The following HEATR1 variants were observed in gnomAD, a reference collection of about 807,000 sequenced individuals.
HEATR1 encodes HEAT repeat-containing protein 1.
A neutral mutation model predicts 248.2 loss-of-function variants in HEATR1; 77 were observed. That is an observed-to-expected ratio of 0.31 (90% CI 0.26 to 0.37). HEATR1 has a LOEUF of 0.37. Ranked by LOEUF, HEATR1 falls within the 10% of genes least tolerant of loss-of-function variation. The probability of loss-of-function intolerance (pLI) is 1.00; values close to 1 mark genes in which losing one functional copy is unlikely to be tolerated. For missense variants in HEATR1, 2,420 were observed against 2,504.9 expected, an observed-to-expected ratio of 0.97 and a Z score of 0.72; for synonymous variants, 897 against 923.1, an observed-to-expected ratio of 0.97 and a Z score of 0.51.
chr1:236,576,846 A>G lies in HEATR1; in HGVS notation c.2859T>C (p.Tyr953=), dbSNP rs1413087167. ...QALSGVASPF[Y]LIIDHLISKA... is the part of the protein sequence containing the mutation. ...TAGAAATCAAATGATCTATTATCAG[A>G]TAAAACGGGGATGCCACTCCACTGA... is the stretch of plus-strand genomic sequence containing the variant. The change falls in exon 21 of 45, where the codon TAT becomes TAC. Residue 953 remains tyrosine (Y), a synonymous_variant. Coordinates refer to ENST00000366582, the MANE Select transcript of HEATR1 (RefSeq NM_018072.6). The G allele has an allele frequency of 6.2e-6, 10 of 1,614,164 alleles. No individual in the cohort carries two copies. Among genetic ancestry groups the G allele is most frequent in the Non-Finnish European group, 8.5e-6 (10 of 1,179,988 alleles).
rs1181997868 is a variant in HEATR1 at position 236,549,253 on chromosome 1, T to G, written c.*1649A>C. 3 of 341,332 alleles carry G rather than the reference T, an allele frequency of 8.8e-6. No homozygotes were observed. The highest frequency in any genetic ancestry group is 1.6e-5 in the Non-Finnish European group (3 of 190,208). 21.1% of individuals were successfully genotyped at this position (341,332 alleles called of 1,614,324 possible). A position where few individuals can be genotyped will look rare whatever the true frequency, so the allele number is the denominator to read the frequency against. On this transcript the variant is annotated 3_prime_UTR_variant, in exon 45 of 45. Transcript: ENST00000366582. ...CACTTTACGTGATTAAAATCAAACCTGTATCAGCAAGTTAAATGGTTCCAT... is the reference window on the plus strand; with the variant it reads ...CACTTTACGTGATTAAAATCAAACCGGTATCAGCAAGTTAAATGGTTCCAT...
Position 236,576,821 on chromosome 1 carries a change from T to C in HEATR1, c.2884A>G (p.Lys962Glu), listed in dbSNP as rs1229579517. The C allele has an allele frequency of 1.2e-6, 2 of 1,614,018 alleles. No homozygotes were observed. The highest frequency in any genetic ancestry group is 1.1e-5 in the South Asian group (1 of 91,032). Residue 962 changes from lysine (K) to glutamate (E), a missense_variant, in exon 21 of 45, where the codon AAA becomes GAA. Transcript: ENST00000366582. ...GCATCTGAAGTGATCTCCTCTGCTT[T>C]AGAAATCAAATGATCTATTATCAGA... ...FYLIIDHLIS[K>E]AEEITSDAAY...
chr1:236,580,575 G>A (rs917637590), intron 20 of HEATR1, among the ~76,000 whole-genome samples: 1 of 141,516 alleles, frequency 7.1e-6, no homozygotes, highest in African/African-American at 2.6e-5. Flanking sequence ...GGAGTGCAGT[G>A]GTGCAATCAC....
intron 2 of HEATR1, 149 bp from the exon 3 acceptor site, chr1:236,603,525 G>T: frequency 3.2e-6 from 2 of 628,024 alleles, no homozygotes; most frequent in Non-Finnish European, 2.7e-6. Context: ...CTGATTTCTA[G>T]TTTTCAACTT....
chr1:236,555,625 T>C lies in HEATR1; in HGVS notation c.5680A>G (p.Asn1894Asp), dbSNP rs202009039. 612 of 1,614,218 alleles carry C rather than the reference T, an allele frequency of 3.8e-4. No homozygotes were observed. The highest frequency in any genetic ancestry group is 4.4e-4 in the Non-Finnish European group (524 of 1,180,038). ...GCTACTAGACAGTCAATGATACAATTTTCCGTTTTTCCAACTTCCTCCAGA... is the reference window on the plus strand; with the variant it reads ...GCTACTAGACAGTCAATGATACAATCTTCCGTTTTTCCAACTTCCTCCAGA... The part of the protein sequence containing the change: ...NDLEEVGKTE[N>D]CIIDCLVAMV... The change falls in exon 40 of 45, where the codon AAT becomes GAT. Residue 1894 changes from asparagine (N) to aspartate (D), a missense_variant. By Grantham distance (23) the Asn-to-Asp change is conservative. Transcript: ENST00000366582.
chr1:236,602,404 G>A (rs377174426), intron 3 of HEATR1, among the ~76,000 whole-genome samples: 13 of 152,334 alleles, frequency 8.5e-5, no homozygotes, highest in African/African-American at 2.9e-4. Context: ...GGAATGCTGT[G>A]AGAATTAAAT....
intron 17 of HEATR1, among the ~76,000 whole-genome samples, chr1:236,583,491 T>C (rs991135908): frequency 2.0e-5 from 3 of 148,866 alleles, no homozygotes; most frequent in Admixed American, 1.3e-4. Context: ...TTTCTTTTTT[T>C]TTTTTTTTTT....
At chr1:236,602,074 G>A (rs1664340540) in intron 3 of HEATR1, among the ~76,000 whole-genome samples, 1 of 151,950 alleles carries the variant, frequency 6.6e-6, no homozygotes, top group Non-Finnish European at 1.5e-5. Context: ...GGGAGGTGGA[G>A]GTTGCAGTGA....
In HEATR1 at chr1:236,555,330, A is replaced by T; in HGVS notation, c.5889T>A (p.Ala1963=). ...LFAGHLVKPF[A]DTLNQVNISK... ...AGATGTTCACCTGGTTCAAGGTGTC[A>T]GCAAAAGGCTTCACTAAGTGGCCGG... The change falls in exon 41 of 45, where the codon GCT becomes GCA. Residue 1963 remains alanine (A), a synonymous_variant. Coordinates refer to ENST00000366582, the MANE Select transcript of HEATR1 (RefSeq NM_018072.6). 1.2e-6 allele frequency: 2 copies of T among 1,614,214 alleles called. No individual in the cohort carries two copies. The highest frequency in any genetic ancestry group is 2.2e-5 in the South Asian group (2 of 91,082).
rs767341750 is a variant in HEATR1, at chr1:236,566,050, G to A, written c.4309-5C>T. The A allele has an allele frequency of 1.6e-5, 25 of 1,610,392 alleles. No homozygotes were observed. The highest frequency in any genetic ancestry group is 2.1e-5 in the Non-Finnish European group (25 of 1,178,916). ...GTCTGCTTCTAAAATAGCATCCTGT[G>A]TAGAAAAAGAAAAAGGTAACAAATC... is the stretch of plus-strand genomic sequence containing the variant. On this transcript the variant is annotated splice_region_variant and splice_polypyrimidine_tract_variant and intron_variant, in intron 30 of 44. Transcript: ENST00000366582.
chr1:236,586,013 C>G, intron 15 of HEATR1, 72 bp from the exon 16 acceptor site: 1 of 1,548,238 alleles, frequency 6.5e-7, no homozygotes. Flanking sequence ...AGAATTCAGG[C>G]AAACATTTTA....
intron 16 of HEATR1, among the ~76,000 whole-genome samples, 170 bp from the exon 17 acceptor site, chr1:236,585,386 T>C (rs1663858745): frequency 6.6e-6 from 1 of 152,208 alleles, no homozygotes; most frequent in South Asian, 2.1e-4. Flanking sequence ...AAGAATAATT[T>C]CAGAAACTGT....
chr1:236,601,925 T>A, intron 3 of HEATR1, among the ~76,000 whole-genome samples: 1 of 149,860 alleles, frequency 6.7e-6, no homozygotes, highest in African/African-American at 2.5e-5. Flanking sequence ...AGGTCAGGAG[T>A]TTGAGACCAG....
At position 236,602,400 on chromosome 1, in the gene HEATR1, C is replaced by T. The variant is rs56324550; in HGVS notation, c.359+760G>A. ...TACAAATAATCTCACCAGAGGAATG[C>T]TGTGAGAATTAAATGAGATAATGCA... is the stretch of plus-strand genomic sequence containing the variant. On this transcript the variant is annotated intron_variant, in intron 3 of 44. Coordinates refer to ENST00000366582, the MANE Select transcript of HEATR1 (RefSeq NM_018072.6). Among the ~76,000 whole-genome samples, 242 of 152,286 alleles carry T rather than the reference C, an allele frequency of 1.6e-3. 1 individual carries two copies. The highest frequency in any genetic ancestry group is 5.7e-3 in the African/African-American group (238 of 41,560).
chr1:236,592,517 A>T lies in HEATR1; in HGVS notation c.1304+6T>A. ...AGAAGAGCATAAACATACACACGTA[A>T]CTTACTTGCTTTCTAAAAGCCTAAT... On this transcript the variant is annotated splice_donor_region_variant and intron_variant, in intron 10 of 44. Coordinates refer to ENST00000366582, the MANE Select transcript of HEATR1 (RefSeq NM_018072.6). 8.6e-7 allele frequency: 1 copy of T among 1,160,814 alleles called. No individual in the cohort carries two copies. Among genetic ancestry groups the T allele is most frequent in the Non-Finnish European group, 1.3e-6 (1 of 774,378 alleles). The allele number at this position is 1,160,814 out of a possible 1,614,324, so 71.9% of individuals were successfully genotyped here.
chr1:236,554,265 G>A (rs1208254018), intron 42 of HEATR1, among the ~76,000 whole-genome samples: 1 of 151,960 alleles, frequency 6.6e-6, no homozygotes, highest in African/African-American at 2.4e-5. Context: ...GGAGGCGGGC[G>A]CCTGTGATCC....
Position 236,595,890 on chromosome 1 carries a change from C to T in HEATR1, c.899G>A (p.Gly300Glu), listed in dbSNP as rs781187454. The T allele has an allele frequency of 2.5e-6, 4 of 1,614,068 alleles. No homozygotes were observed. Among genetic ancestry groups the T allele is most frequent in the Non-Finnish European group, 3.4e-6 (4 of 1,179,954 alleles). ...CAGGAGCACTATCAAGCAACTTAACCCATCCTTGATCAAAGAGGGAATCTT... is the reference window on the plus strand; with the variant it reads ...CAGGAGCACTATCAAGCAACTTAACTCATCCTTGATCAAAGAGGGAATCTT... ...LTKIPSLIKD[G>E]LSCLIVLLQR... Residue 300 changes from glycine (G) to glutamate (E), a missense_variant, in exon 7 of 45, where the codon GGG becomes GAG. Physicochemically the swap from Gly to Glu is moderately conservative, Grantham distance 98 (BLOSUM62 -2). Transcript: ENST00000366582.
At chr1:236,561,567 G>A (rs1317618281) in intron 32 of HEATR1, among the ~76,000 whole-genome samples, 1 of 152,102 alleles carries the variant, frequency 6.6e-6, no homozygotes, top group Admixed American at 6.5e-5. Flanking sequence ...CTGAGCTGGT[G>A]AGCTCACATA....
chr1:236,596,846 T>C lies in HEATR1; in HGVS notation c.734A>G (p.Tyr245Cys), dbSNP rs375951592. 232 of 1,612,552 alleles carry C rather than the reference T, an allele frequency of 1.4e-4. 1 individual carries two copies. The East Asian group carries it at 2.8e-3, about 20-fold the overall frequency. The change falls in exon 6 of 45, where the codon TAT (tyrosine) becomes TGT (cysteine). Residue 245 changes from tyrosine (Y) to cysteine (C), a missense_variant. Coordinates refer to ENST00000366582, the MANE Select transcript of HEATR1 (RefSeq NM_018072.6). ...SDNIIAKLFP[Y>C]IQKGLKSSLP... is the part of the protein sequence containing the mutation. ...ATCAGCAGTGCCAACCTTTTGGATA[T>C]AGGGAAATAGTTTGGCGATGATATT...
Sources: gnomAD v4.1 joint callset for allele counts (sites outside exome capture counted in the v4.1 genomes callset) on GRCh38, gnomAD v4.1.1 for gene constraint, MANE v1.5 for transcripts, NCBI Gene and HGNC (gene_info 2026-07-23, HGNC 2026-07-21) for gene names.